MUC4: variants seen among roughly 807,000 people sequenced by gnomAD.
MUC4 encodes mucin-4.
A neutral mutation model predicts 257.9 loss-of-function variants in MUC4; 202 were observed. The observed-to-expected ratio is 0.78, with a 90% CI of 0.70 to 0.88. The LOEUF (loss-of-function observed/expected upper bound fraction) is 0.88, where lower values mean the gene tolerates loss of function less well. MUC4 is among the 40% of genes least tolerant of loss of function. MUC4 has a pLI of 0.00. For missense variants in MUC4, 5,976 were observed against 6,513.7 expected (o/e 0.92, Z 2.84); for synonymous variants, 2,351 against 2,757.1 (o/e 0.85, Z 4.62).
At position 195,767,738 on chromosome 3, in the gene MUC4, A is replaced by AACAC. The variant is rs1560264326; in HGVS notation, c.13530-988_13530-987insGTGT. Among the ~76,000 whole-genome samples the AACAC allele has an allele frequency of 1.9e-3, 25 of 12,962 alleles. 4 individuals carry two copies. The highest frequency in any genetic ancestry group is 2.5e-3 in the Non-Finnish European group (18 of 7,198). The allele number at this position is 12,962 out of a possible 152,430, so 8.5% of individuals were successfully genotyped here. A position where few individuals can be genotyped will look rare whatever the true frequency, so the allele number is the denominator to read the frequency against. On this transcript the variant is annotated intron_variant, in intron 7 of 24. Coordinates refer to ENST00000463781, the MANE Select transcript of MUC4 (RefSeq NM_018406.7). ...GGCCACCACCACCATCACCACCACC[A>AACAC]TCACCATCGCCACCACCACCATCAC... is the stretch of plus-strand genomic sequence containing the variant.
chr3:195,811,684 C>T (rs1047092629), intron 1 of MUC4, 52 bp downstream of exon 1: 2 of 1,562,210 alleles, frequency 1.3e-6, no homozygotes, highest in African/African-American at 2.7e-5. Flanking sequence ...CAGCTCCCAC[C>T]TCCCCCAAGT....
At chr3:195,799,229 C>CTGTG (rs56897401) in intron 1 of MUC4, among the ~76,000 whole-genome samples, 3,546 of 120,160 alleles carry the variant, frequency 0.03, 85 homozygotes, top group African/African-American at 0.069. Context: ...ATGTGTGACA[C>CTGTG]TGTGTGTGTG....
At chr3:195,761,222 A>G in intron 15 of MUC4, 105 bp from the exon 16 acceptor site, 1 of 1,086,162 alleles carries the variant, frequency 9.2e-7, no homozygotes, top group Non-Finnish European at 1.4e-6. Flanking sequence ...GGGCGGTGGG[A>G]GTGCAGGGCC....
rs148722108 is a variant in MUC4, at chr3:195,789,151, G to A, written c.2429C>T (p.Ala810Val). The part of the protein sequence containing the change: ...AGTATPSSSG[A>V]SGTTPSGSEG... ...GCTTCCTGAAGGTGTTGTGCCACTC[G>A]CCCCGGATGAGGAAGGGGTAGCTGT... Residue 810 changes from alanine to valine, a missense_variant, in exon 2 of 25, where the codon GCG becomes GTG. Ala to Val is a moderately conservative substitution (Grantham distance 64). Transcript: ENST00000463781. The A allele has an allele frequency of 1.2e-4, 192 of 1,613,766 alleles. 2 individuals are homozygous for A. In the East Asian group the frequency reaches 2.7e-3, roughly 23 times the overall value.
At chr3:195,765,849 G>C (rs747609892) in intron 8 of MUC4, among the ~76,000 whole-genome samples, 1 of 152,206 alleles carries the variant, frequency 6.6e-6, no homozygotes, top group Non-Finnish European at 1.5e-5. Context: ...CTCTTTGAGA[G>C]AAAACACAGT....
chr3:195,767,530 G>GCCACCACCATCACCATCACCATCACCA (rs1305767868), intron 7 of MUC4, among the ~76,000 whole-genome samples: 4 of 53,506 alleles, frequency 7.5e-5, no homozygotes, highest in African/African-American at 2.3e-4. Context: ...CACCACCATC[G>GCCACCACCATCACCATCACCATCACCA]CCACCACCAT....
chr3:195,811,693 G>C, intron 1 of MUC4, 43 bp downstream of exon 1: 1 of 1,590,022 alleles, frequency 6.3e-7, no homozygotes, highest in Non-Finnish European at 8.6e-7. Flanking sequence ...CCTCCCCCAA[G>C]TGCTCCCCGC....
chr3:195,794,088 A>AAAAAATAATAAT (rs1553888473), intron 1 of MUC4, among the ~76,000 whole-genome samples: 1 of 76,994 alleles, frequency 1.3e-5, no homozygotes, highest in African/African-American at 6.0e-5. Flanking sequence ...TAAAAAATAA[A>AAAAAATAATAAT]AATAATAATA....
chr3:195,761,348 A>G (rs896728061), intron 15 of MUC4, 136 bp downstream of exon 15: 1 of 810,398 alleles, frequency 1.2e-6, no homozygotes, highest in Non-Finnish European at 2.0e-6. Context: ...GGTGGTGGGG[A>G]CAGCCCTGGG....
At chr3:195,775,425 C>A (rs371389307) in intron 3 of MUC4, among the ~76,000 whole-genome samples, 1 of 17,596 alleles carries the variant, frequency 5.7e-5, no homozygotes, top group Non-Finnish European at 1.2e-4. Context: ...CCTTCCACAC[C>A]CATACCTTCC....
chr3:195,783,614 G>A lies in MUC4; in HGVS notation c.7966C>T (p.Pro2656Ser), dbSNP rs747242595. The change falls in exon 2 of 25, where the codon CCT becomes TCT. Residue 2656 changes from proline to serine, a missense_variant. Pro to Ser is a moderately conservative substitution (Grantham distance 74). This residue lies in a region of MUC4 where 75 missense variants were observed against 58.7 expected (regional missense o/e 1.28). Transcript: ENST00000463781. Reference sequence around the variant, plus strand: ...GAGGAAAGGCTGGTGACAGGAAGAGGGGTGGCCTGACCTGTGGATGCTGAG... The same window carrying A: ...GAGGAAAGGCTGGTGACAGGAAGAGAGGTGGCCTGACCTGTGGATGCTGAG... The part of the protein sequence containing the change: ...ASSASTGQAT[P>S]LPVTSLSSVS... The A allele has an allele frequency of 1.8e-5, 6 of 333,568 alleles. No individual in the cohort carries two copies. Among genetic ancestry groups the A allele is most frequent in the Non-Finnish European group, 1.6e-5 (3 of 191,386 alleles). 20.7% of individuals were successfully genotyped at this position (333,568 alleles called of 1,614,324 possible).
chr3:195,807,175 C>A (rs1736084446), intron 1 of MUC4, among the ~76,000 whole-genome samples: 1 of 152,150 alleles, frequency 6.6e-6, no homozygotes, highest in Non-Finnish European at 1.5e-5. Flanking sequence ...GCATTTAAAC[C>A]TCTATGAAGT....
At chr3:195,773,636 C>A (rs570178110) in intron 4 of MUC4, among the ~76,000 whole-genome samples, 2 of 121,246 alleles carry the variant, frequency 1.6e-5, no homozygotes, top group African/African-American at 5.4e-5. Flanking sequence ...CAGGTGTGGA[C>A]ACCCTCTCGC....
intron 1 of MUC4, among the ~76,000 whole-genome samples, chr3:195,796,306 C>T (rs1457701290): frequency 3.3e-5 from 5 of 152,084 alleles, no homozygotes; most frequent in Admixed American, 6.5e-5. Context: ...TGGTCTCAAA[C>T]TCCTGACCTC....
At chr3:195,776,068 A>G (rs1399412003) in intron 3 of MUC4, among the ~76,000 whole-genome samples, 1 of 27,538 alleles carries the variant, frequency 3.6e-5, no homozygotes, top group African/African-American at 2.2e-4. Context: ...TACCTTCCAC[A>G]CCCTTACCTT....
At chr3:195,807,267 G>A (rs1466285543) in intron 1 of MUC4, among the ~76,000 whole-genome samples, 2 of 152,108 alleles carry the variant, frequency 1.3e-5, no homozygotes, top group Admixed American at 1.3e-4. Context: ...TCAGGAGTTC[G>A]AGACCAGCCT....
chr3:195,779,986 G>C lies in MUC4; in HGVS notation c.11594C>G (p.Ala3865Gly). 1 of 1,421,114 alleles carries C rather than the reference G, an allele frequency of 7.0e-7. No homozygotes were observed. The highest frequency in any genetic ancestry group is 9.3e-7 in the Non-Finnish European group (1 of 1,077,850). 88.0% of individuals were successfully genotyped at this position (1,421,114 alleles called of 1,614,324 possible). Residue 3865 changes from alanine (A) to glycine (G), a missense_variant, in exon 2 of 25, where the codon GCA becomes GGA. By Grantham distance (60) the Ala-to-Gly change is moderately conservative. Coordinates refer to ENST00000463781, the MANE Select transcript of MUC4 (RefSeq NM_018406.7). The stretch of plus-strand genomic sequence containing the variant: ...AAGAGGGGTGGCGTGACCTGTGGAT[G>C]CTGAGGAAGGGCTAGTGACAGGAAG... ...MPLPVTSPSSASTGHATPLPV... is the reference protein window; with the variant it reads ...MPLPVTSPSSGSTGHATPLPV...
At chr3:195,811,570 C>A (rs533068228) in intron 1 of MUC4, among the ~76,000 whole-genome samples, 166 bp downstream of exon 1, 15 of 151,952 alleles carry the variant, frequency 9.9e-5, no homozygotes, top group Non-Finnish European at 4.4e-5. Flanking sequence ...TCTCTTTCTC[C>A]TTTCCCTCTC....
In MUC4 at chr3:195,752,426, G is replaced by T; in HGVS notation, c.15529C>A (p.Gln5177Lys). 2 of 1,613,992 alleles carry T rather than the reference G, an allele frequency of 1.2e-6. No homozygotes were observed. The highest frequency in any genetic ancestry group is 1.7e-6 in the Non-Finnish European group (2 of 1,179,802). Residue 5177 changes from glutamine (Q) to lysine (K), a missense_variant, in exon 21 of 25, where the codon CAG becomes AAG. Gln to Lys is a moderately conservative substitution (Grantham distance 53). This residue lies in a region of MUC4 where 996 missense variants were observed against 1,137.3 expected (regional missense o/e 0.88). Coordinates refer to ENST00000463781, the MANE Select transcript of MUC4 (RefSeq NM_018406.7). Reference sequence around the variant, plus strand: ...TTTTCCTCTTCACTGAGCAAGAGCTGGATGACTCTTAAGGGAAGTTCTGGA... The same window carrying T: ...TTTTCCTCTTCACTGAGCAAGAGCTTGATGACTCTTAAGGGAAGTTCTGGA... ...VNLELPLRVI[Q>K]LLLSEEENAS...
Sources: gnomAD v4.1 joint callset for allele counts (sites outside exome capture counted in the v4.1 genomes callset) on GRCh38, gnomAD v4.1.1 for gene constraint, gnomAD v4.1.1 regional missense constraint, MANE v1.5 for transcripts, NCBI Gene and HGNC (gene_info 2026-07-23, HGNC 2026-07-21) for gene names.